DUSP10: variants seen among roughly 807,000 people sequenced by gnomAD.
The protein encoded by DUSP10 is dual specificity protein phosphatase 10.
A neutral mutation model predicts 30.8 loss-of-function variants in DUSP10; 14 were observed. That is an observed-to-expected ratio of 0.46 (90% CI 0.30 to 0.71). DUSP10 has a LOEUF of 0.71. Ranked by LOEUF, DUSP10 falls within the 30% of genes least tolerant of loss-of-function variation. The pLI is 0.08. For missense variants in DUSP10, 550 were observed against 619.4 expected, an observed-to-expected ratio of 0.89 and a Z score of 1.19; for synonymous variants, 254 against 250.4, an observed-to-expected ratio of 1.01 and a Z score of -0.14.
intron 1 of DUSP10, among the ~76,000 whole-genome samples, chr1:221,741,004 T>C (rs1196306864): frequency 6.6e-6 from 1 of 152,064 alleles, no homozygotes; most frequent in East Asian, 1.9e-4. Context: ...ATGCCATCTA[T>C]CATCCGTCTA....
chr1:221,717,421 G>A (rs1409576720), intron 2 of DUSP10, among the ~76,000 whole-genome samples: 1 of 151,140 alleles, frequency 6.6e-6, no homozygotes, highest in Non-Finnish European at 1.5e-5. Flanking sequence ...TGATCAATAT[G>A]TGTTTGAAAA....
In DUSP10 at chr1:221,706,382, C is replaced by A. The variant is rs779440376; in HGVS notation, c.896G>T (p.Gly299Val). The A allele has an allele frequency of 3.8e-6, 6 of 1,584,368 alleles. No individual in the cohort carries two copies. In the Admixed American group the frequency reaches 8.6e-5, roughly 23 times the overall value. ...QLQECREVGG[G>V]ASAASSLLPQ... ...TAGCAAGCTCGAGGCCGCGGATGCG[C>A]CGCCCCCCACCTCCCGGCACTCTTG... is the stretch of plus-strand genomic sequence containing the variant. Residue 299 changes from glycine to valine, a missense_variant, in exon 3 of 4, where the codon GGC becomes GTC. Transcript: ENST00000366899. This position sits in a 1 kb window ranked among gnomAD's most constrained non-coding sequence, Gnocchi z 4.6.
chr1:221,730,310 A>G (rs1558125004), intron 2 of DUSP10, among the ~76,000 whole-genome samples: 2 of 152,248 alleles, frequency 1.3e-5, no homozygotes, highest in Admixed American at 6.5e-5. Flanking sequence ...AGTTCGCATT[A>G]TAACACGAGA....
At chr1:221,731,769 C>T (rs528017720) in intron 2 of DUSP10, among the ~76,000 whole-genome samples, 2 of 151,840 alleles carry the variant, frequency 1.3e-5, no homozygotes, top group African/African-American at 4.8e-5. Context: ...CCACCATGCC[C>T]AGCTAATTTT....
At chr1:221,738,738 C>A (rs929975942) in intron 2 of DUSP10, among the ~76,000 whole-genome samples, 196 bp downstream of exon 2, 1 of 152,248 alleles carries the variant, frequency 6.6e-6, no homozygotes, top group African/African-American at 2.4e-5. Flanking sequence ...GAACCCAGAT[C>A]TTCTGGCTTC....
intron 2 of DUSP10, among the ~76,000 whole-genome samples, chr1:221,726,049 C>T (rs1571824280): frequency 6.6e-6 from 1 of 152,320 alleles, no homozygotes; most frequent in Admixed American, 6.5e-5. Context: ...ATGTGGTAAA[C>T]ACACACATTC....
At position 221,739,755 on chromosome 1, in the gene DUSP10, A is replaced by G. The variant is rs1341129637; in HGVS notation, c.-11T>C. ...AGGAGACGGAGGCATGAGGAGGCTG[A>G]AAACTGGCAATTCAAGAAGAACTCA... is the stretch of plus-strand genomic sequence containing the variant. On this transcript the variant is annotated 5_prime_UTR_variant, in exon 2 of 4. Transcript: ENST00000366899. The G allele has an allele frequency of 6.4e-7, 1 of 1,558,438 alleles. No individual in the cohort carries two copies. The highest frequency in any genetic ancestry group is 1.2e-5 in the South Asian group (1 of 83,084).
chr1:221,724,036 C>G (rs74942710), intron 2 of DUSP10, among the ~76,000 whole-genome samples: 2,051 of 152,298 alleles, frequency 0.013, 44 homozygotes, highest in African/African-American at 0.045. Context: ...AGGGGCTCAT[C>G]ATGCATAACA....
rs751555220 is a variant in DUSP10, at chr1:221,702,490, C to T, written c.1371G>A (p.Glu457=). The part of the protein sequence containing the change: ...PNLNFMGQLL[E]FEEDLNNGVT... ...CACCGTTGTTTAGGTCTTCCTCGAACTCTAGCAACTGCCCCATGAAGTTAA... is the reference window on the plus strand; with the variant it reads ...CACCGTTGTTTAGGTCTTCCTCGAATTCTAGCAACTGCCCCATGAAGTTAA... Residue 457 remains glutamate (E), a synonymous_variant, in exon 4 of 4, where the codon GAG becomes GAA. Coordinates refer to ENST00000366899, the MANE Select transcript of DUSP10 (RefSeq NM_007207.6). The surrounding 1 kb of genome is among the most constrained non-coding windows in gnomAD (Gnocchi z 4.5). 6.2e-7 allele frequency: 1 copy of T among 1,614,190 alleles called. No individual in the cohort carries two copies. Among genetic ancestry groups the T allele is most frequent in the Non-Finnish European group, 8.5e-7 (1 of 1,180,038 alleles).
At chr1:221,719,162 G>T (rs951897649) in intron 2 of DUSP10, among the ~76,000 whole-genome samples, 3 of 152,212 alleles carry the variant, frequency 2.0e-5, no homozygotes, top group Non-Finnish European at 4.4e-5. Context: ...TCAGGAAGTG[G>T]TAGGGGAAAG....
At position 221,706,005 on chromosome 1, in the gene DUSP10, C is replaced by T. The variant is rs1020612468; in HGVS notation, c.1183+90G>A. The T allele has an allele frequency of 2.0e-6, 3 of 1,516,176 alleles. No homozygotes were observed. Among genetic ancestry groups the T allele is most frequent in the South Asian group, 1.3e-5 (1 of 74,692 alleles). 93.9% of individuals were successfully genotyped at this position (1,516,176 alleles called of 1,614,324 possible). On this transcript the variant is annotated intron_variant, in intron 3 of 3. Transcript: ENST00000366899. The surrounding 1 kb of genome is among the most constrained non-coding windows in gnomAD (Gnocchi z 4.6). ...CTCCAGGGCAGCTTTTCTTTTCCAA[C>T]ACAGGAATAAACCTTGAACTTGATA...
chr1:221,718,305 A>C (rs1480754151), intron 2 of DUSP10, among the ~76,000 whole-genome samples: 3 of 151,956 alleles, frequency 2.0e-5, no homozygotes, highest in Admixed American at 1.3e-4. Flanking sequence ...CTGGCACATG[A>C]CCTCCATGTG....
At chr1:221,708,519 T>C (rs1660833500) in intron 2 of DUSP10, among the ~76,000 whole-genome samples, 1 of 152,246 alleles carries the variant, frequency 6.6e-6, no homozygotes, top group Non-Finnish European at 1.5e-5. Flanking sequence ...AAACCTACCC[T>C]AGCTTTTTGA....
chr1:221,720,975 GA>G (rs1661264670), intron 2 of DUSP10, among the ~76,000 whole-genome samples: 2 of 152,132 alleles, frequency 1.3e-5, no homozygotes, highest in Admixed American at 1.3e-4. Context: ...TCTCTTAGAG[GA>G]AATAGAGTGT....
chr1:221,708,013 T>C (rs1304587420), intron 2 of DUSP10, among the ~76,000 whole-genome samples: 1 of 152,204 alleles, frequency 6.6e-6, no homozygotes, highest in African/African-American at 2.4e-5. Context: ...ATGTAAGTGC[T>C]ATAAAATCTG....
At chr1:221,733,247 A>G (rs1024625124) in intron 2 of DUSP10, among the ~76,000 whole-genome samples, 3 of 152,258 alleles carry the variant, frequency 2.0e-5, no homozygotes, top group African/African-American at 7.2e-5. Context: ...TCAGACCTTC[A>G]GATGGGTTTG....
At chr1:221,733,960 C>T (rs1242024604) in intron 2 of DUSP10, among the ~76,000 whole-genome samples, 1 of 152,170 alleles carries the variant, frequency 6.6e-6, no homozygotes, top group East Asian at 1.9e-4. Context: ...AGAGGACAGC[C>T]AACTAACTGT....
intron 2 of DUSP10, among the ~76,000 whole-genome samples, chr1:221,717,288 C>T (rs116237840): frequency 2.6e-5 from 4 of 151,932 alleles, no homozygotes; most frequent in Non-Finnish European, 4.4e-5. Flanking sequence ...GGGCAAGAGG[C>T]GGGTGAGGAG....
intron 2 of DUSP10, among the ~76,000 whole-genome samples, chr1:221,730,876 G>C (rs1476791980): frequency 2.6e-5 from 4 of 152,020 alleles, no homozygotes; most frequent in Non-Finnish European, 5.9e-5. Flanking sequence ...AGTAATAATA[G>C]ATGATATAGA....
Sources: gnomAD v4.1 joint callset for allele counts (sites outside exome capture counted in the v4.1 genomes callset) on GRCh38, gnomAD v4.1.1 for gene constraint, Gnocchi (gnomAD v3.1) non-coding constraint, MANE v1.5 for transcripts, NCBI Gene and HGNC (gene_info 2026-07-23, HGNC 2026-07-21) for gene names.